Variants in CDH13 observed in about 807,000 individuals in gnomAD.
CDH13 encodes the protein cadherin-13.
A neutral mutation model predicts 63.8 loss-of-function variants in CDH13; 24 were observed. The observed-to-expected ratio is 0.38, with a 90% confidence interval of 0.27 to 0.53. CDH13 has a LOEUF of 0.53. Among genes scored for constraint, CDH13 ranks in the 20% least tolerant of loss-of-function variants. CDH13 has a pLI of 0.85. For missense variants in CDH13, 1,049 were observed against 903.1 expected (o/e 1.16, Z -2.07); for synonymous variants, 503 against 355.3 (o/e 1.42, Z -4.67).
chr16:82,711,613 G>A (rs1167968073), intron 1 of CDH13, among the ~76,000 whole-genome samples: 1 of 152,210 alleles, frequency 6.6e-6, no homozygotes, highest in East Asian at 1.9e-4. Context: ...CTGAGATCCA[G>A]AGACATTGAG....
chr16:82,687,848 G>C (rs138667318), intron 1 of CDH13, among the ~76,000 whole-genome samples: 2 of 152,072 alleles, frequency 1.3e-5, no homozygotes, highest in African/African-American at 4.8e-5. Flanking sequence ...GGCTGTCCTC[G>C]GGGGTAGGAG....
chr16:83,549,024 G>A (rs983993567), intron 7 of CDH13, among the ~76,000 whole-genome samples: 2 of 152,200 alleles, frequency 1.3e-5, no homozygotes, highest in South Asian at 2.1e-4. Flanking sequence ...TCTTCCCTGT[G>A]TGGCTGTGTG....
intron 7 of CDH13, among the ~76,000 whole-genome samples, chr16:83,507,116 G>A (rs1324751927): frequency 3.3e-5 from 5 of 152,216 alleles, no homozygotes; most frequent in Non-Finnish European, 7.3e-5. Flanking sequence ...CAAACCTGGT[G>A]TGAGCAGCCC....
intron 2 of CDH13, among the ~76,000 whole-genome samples, chr16:82,948,486 TGAA>T (rs1904969707): frequency 6.6e-6 from 1 of 152,178 alleles, no homozygotes; most frequent in Admixed American, 6.5e-5. Context: ...GTTTCTTCCT[TGAA>T]GAAGAATTAT....
chr16:83,409,545 C>G (rs948134011), intron 6 of CDH13, among the ~76,000 whole-genome samples: 6 of 152,330 alleles, frequency 3.9e-5, no homozygotes, highest in African/African-American at 1.4e-4. Context: ...GTGACTCAGA[C>G]CTCTGTCAAT....
intron 1 of CDH13, chr16:82,829,501 G>A (rs1053309058): frequency 2.6e-5 from 4 of 152,074 alleles, no homozygotes; most frequent in African/African-American, 9.7e-5. Context: ...TTGATTTGGG[G>A]CTGCAGGGGG....
At chr16:83,157,829 C>T (rs1437611852) in intron 4 of CDH13, among the ~76,000 whole-genome samples, 2 of 151,322 alleles carry the variant, frequency 1.3e-5, no homozygotes, top group African/African-American at 4.9e-5. Flanking sequence ...AGGAGAGTAG[C>T]TTGAACCTGG....
intron 7 of CDH13, among the ~76,000 whole-genome samples, chr16:83,538,550 T>C (rs1485813699): frequency 6.6e-6 from 1 of 152,208 alleles, no homozygotes; most frequent in Non-Finnish European, 1.5e-5. Context: ...CAAGAAGGAA[T>C]GTGATCCTAA....
rs888484421 is a variant in CDH13 at position 82,951,282 on chromosome 16, A to G, written c.158-80728A>G. 4.1e-4 allele frequency among the ~76,000 whole-genome samples: 62 copies of G among 152,274 alleles called. No individual in the cohort carries two copies. In the Middle Eastern group the frequency reaches 0.01, roughly 25 times the overall value. On this transcript the variant is annotated intron_variant, in intron 2 of 13. Transcript: ENST00000567109. ...CCATCCCAATCTCTGGAGAGGAAAGACTGCCTGTGCTCTCAAAGAAGAAGT... is the reference window on the plus strand; with the variant it reads ...CCATCCCAATCTCTGGAGAGGAAAGGCTGCCTGTGCTCTCAAAGAAGAAGT...
intron 1 of CDH13, among the ~76,000 whole-genome samples, chr16:82,854,045 T>C (rs531248624): frequency 1.4e-4 from 21 of 152,316 alleles, no homozygotes; most frequent in Non-Finnish European, 1.9e-4. Flanking sequence ...GTGAATGAAA[T>C]TGAAGAGCGG....
intron 9 of CDH13, among the ~76,000 whole-genome samples, chr16:83,675,111 C>T (rs770639259): frequency 2.0e-5 from 3 of 152,194 alleles, no homozygotes; most frequent in Non-Finnish European, 2.9e-5. Context: ...CTGTAGCTTC[C>T]ATCAGGAGTA....
At position 83,798,864 on chromosome 16, in the gene CDH13, C is replaced by T. The variant is rs572461538; in HGVS notation, c.*3834C>T. ...TATACTTCTTCAATCTGAAAGCTTT[C>T]TGTTAAAAAAAAAAATGTTAACATC... On this transcript the variant is annotated 3_prime_UTR_variant, in exon 14 of 14. Coordinates refer to ENST00000567109, the MANE Select transcript of CDH13 (RefSeq NM_001257.5). The T allele has an allele frequency of 1.0e-5, 1 of 96,220 alleles. No individual in the cohort carries two copies. The highest frequency in any genetic ancestry group is 4.1e-5 in the African/African-American group (1 of 24,562). The allele number at this position is 96,220 out of a possible 1,614,324, so 6.0% of individuals were successfully genotyped here. A position where few individuals can be genotyped will look rare whatever the true frequency, so the allele number is the denominator to read the frequency against.
chr16:82,680,095 G>C (rs575971686), intron 1 of CDH13, among the ~76,000 whole-genome samples: 1 of 152,268 alleles, frequency 6.6e-6, no homozygotes, highest in South Asian at 2.1e-4. Context: ...GAGAGAGTTG[G>C]TGCCAGTCTT....
intron 3 of CDH13, among the ~76,000 whole-genome samples, chr16:83,087,914 T>C (rs927707238): frequency 6.6e-6 from 1 of 152,048 alleles, no homozygotes; most frequent in South Asian, 2.1e-4. Context: ...GAGAAGAAAA[T>C]AGTGTGGCCT....
intron 2 of CDH13, among the ~76,000 whole-genome samples, chr16:82,883,462 CA>C (rs1210593408): frequency 6.6e-6 from 1 of 152,162 alleles, no homozygotes; most frequent in Admixed American, 6.5e-5. Flanking sequence ...TGAGTATGAT[CA>C]GGCTGGAACA....
At chr16:82,712,666 C>T (rs1304856885) in intron 1 of CDH13, among the ~76,000 whole-genome samples, 2 of 152,184 alleles carry the variant, frequency 1.3e-5, no homozygotes, top group African/African-American at 4.8e-5. Flanking sequence ...TTCCCCTGCC[C>T]CTTTTGTTTT....
At chr16:82,734,681 G>A (rs901596243) in intron 1 of CDH13, among the ~76,000 whole-genome samples, 7 of 152,230 alleles carry the variant, frequency 4.6e-5, no homozygotes, top group African/African-American at 1.7e-4. Flanking sequence ...GTCCAGCTAT[G>A]ATACAGACCA....
At chr16:83,677,005 A>T (rs902132837) in intron 9 of CDH13, among the ~76,000 whole-genome samples, 4 of 152,182 alleles carry the variant, frequency 2.6e-5, no homozygotes, top group Admixed American at 2.0e-4. Context: ...CTCTTGACTT[A>T]TTTAGTCTTG....
chr16:82,957,984 A>C (rs1389169008), intron 2 of CDH13, among the ~76,000 whole-genome samples: 1 of 152,204 alleles, frequency 6.6e-6, no homozygotes, highest in Non-Finnish European at 1.5e-5. Context: ...CTTTCTTCTT[A>C]ATGTACTTGG....
Sources: allele counts gnomAD v4.1 joint callset (sites outside exome capture counted in the v4.1 genomes callset), GRCh38; gene constraint gnomAD v4.1.1; transcripts MANE v1.5; gene names NCBI Gene and HGNC (gene_info 2026-07-23, HGNC 2026-07-21).